The following CMSS1 variants were observed in gnomAD, a reference collection of about 807,000 sequenced individuals.
The protein encoded by CMSS1 is protein CMSS1.
A neutral mutation model predicts 43.5 loss-of-function variants in CMSS1; 33 were observed. That is an observed-to-expected ratio of 0.76 (90% CI 0.57 to 1.01). CMSS1 has a LOEUF of 1.01. Among genes scored for constraint, CMSS1 ranks in the 50% least tolerant of loss-of-function variants. The probability of loss-of-function intolerance (pLI) is 0.00; values close to 1 mark genes in which losing one functional copy is unlikely to be tolerated. For synonymous variants in CMSS1, 115 were observed against 117.2 expected (o/e 0.98, Z 0.12); for missense variants, 313 against 326.4 (o/e 0.96, Z 0.32).
intron 1 of CMSS1, among the ~76,000 whole-genome samples, chr3:100,146,100 T>A (rs2066847302): frequency 6.6e-6 from 1 of 152,206 alleles, no homozygotes; most frequent in Non-Finnish European, 1.5e-5. Flanking sequence ...ATGAGTAAAG[T>A]CTTTCATAGA....
In CMSS1 at chr3:99,971,404, C is replaced by T. The variant is rs1292515102; in HGVS notation, c.64+153361C>T. On this transcript the variant is annotated intron_variant, in intron 1 of 9. Coordinates refer to ENST00000421999, the MANE Select transcript of CMSS1 (RefSeq NM_032359.4). ...GAGATCACCACACAAGGAAAGAAGTCCATTTGAAAGGAGAGATGAGGAGTC... is the reference window on the plus strand; with the variant it reads ...GAGATCACCACACAAGGAAAGAAGTTCATTTGAAAGGAGAGATGAGGAGTC... Among the ~76,000 whole-genome samples the T allele has an allele frequency of 2.0e-5, 3 of 151,582 alleles. No individual in the cohort carries two copies. In the East Asian group the frequency reaches 5.8e-4, roughly 29 times the overall value.
At chr3:100,123,018 T>TA (rs2066634308) in intron 1 of CMSS1, among the ~76,000 whole-genome samples, 2 of 152,244 alleles carry the variant, frequency 1.3e-5, no homozygotes, top group Non-Finnish European at 2.9e-5. Flanking sequence ...AGATTATATT[T>TA]AAAAAGCAGA....
intron 3 of CMSS1, among the ~76,000 whole-genome samples, chr3:100,161,884 C>G (rs1559776562): frequency 6.6e-6 from 1 of 152,074 alleles, no homozygotes; most frequent in Non-Finnish European, 1.5e-5. Context: ...TGACAGAAAT[C>G]CAAACTAAGA....
At chr3:99,925,956 T>A in intron 1 of CMSS1, 1 of 863,826 alleles carries the variant, frequency 1.2e-6, no homozygotes, top group Non-Finnish European at 1.4e-6. Flanking sequence ...CGGGATCTTT[T>A]GCTAGTGATA....
chr3:100,012,400 A>G (rs11918816), intron 1 of CMSS1, among the ~76,000 whole-genome samples: 8 of 152,160 alleles, frequency 5.3e-5, no homozygotes, highest in African/African-American at 1.9e-4. Context: ...GAAACAAAAT[A>G]TTATTTGTAT....
chr3:99,822,620 T>A (rs1942459714), intron 1 of CMSS1, among the ~76,000 whole-genome samples: 1 of 152,146 alleles, frequency 6.6e-6, no homozygotes, highest in Non-Finnish European at 1.5e-5. Context: ...TAATCCCAGC[T>A]ACTCAGGAGA....
chr3:99,833,435 G>A (rs571730965), intron 1 of CMSS1, among the ~76,000 whole-genome samples: 1 of 152,322 alleles, frequency 6.6e-6, no homozygotes, highest in African/African-American at 2.4e-5. Context: ...AGTATGGAAA[G>A]GTGAAGTGTT....
At chr3:100,139,003 T>C (rs2066779339) in intron 1 of CMSS1, among the ~76,000 whole-genome samples, 1 of 152,210 alleles carries the variant, frequency 6.6e-6, no homozygotes, top group Admixed American at 6.5e-5. Context: ...CATGGAATAC[T>C]ACGCAACCAC....
intron 1 of CMSS1, among the ~76,000 whole-genome samples, chr3:99,837,915 G>T (rs1322720534): frequency 6.6e-6 from 1 of 152,082 alleles, no homozygotes; most frequent in Non-Finnish European, 1.5e-5. Flanking sequence ...GAAAGTCTTG[G>T]GTCATTATCA....
At chr3:99,924,316 C>T (rs1707219043) in intron 1 of CMSS1, 3 of 1,613,852 alleles carry the variant, frequency 1.9e-6, no homozygotes, top group Admixed American at 3.3e-5. Flanking sequence ...CCTCCAACTC[C>T]AATATGGTTT....
At chr3:99,847,013 A>G (rs918725117) in intron 1 of CMSS1, among the ~76,000 whole-genome samples, 1 of 152,226 alleles carries the variant, frequency 6.6e-6, no homozygotes, top group Non-Finnish European at 1.5e-5. Context: ...AGGGACTCCC[A>G]TGAGGCAGAT....
At chr3:100,006,230 G>GT (rs1379923683) in intron 1 of CMSS1, among the ~76,000 whole-genome samples, 1 of 152,062 alleles carries the variant, frequency 6.6e-6, no homozygotes, top group Non-Finnish European at 1.5e-5. Flanking sequence ...AACCCAAACT[G>GT]TTTTCCCCAG....
At chr3:100,028,929 A>G (rs1410812853) in intron 1 of CMSS1, among the ~76,000 whole-genome samples, 1 of 152,170 alleles carries the variant, frequency 6.6e-6, no homozygotes, top group African/African-American at 2.4e-5. Flanking sequence ...ATAAACATAA[A>G]CATATACATA....
chr3:99,922,880 G>GT (rs1270296850), intron 1 of CMSS1, among the ~76,000 whole-genome samples: 3 of 152,052 alleles, frequency 2.0e-5, no homozygotes, highest in Non-Finnish European at 4.4e-5. Flanking sequence ...TTCTTATTTT[G>GT]TTTTTTAAAG....
chr3:100,139,280 T>G (rs1038532706), intron 1 of CMSS1, among the ~76,000 whole-genome samples: 4 of 151,908 alleles, frequency 2.6e-5, no homozygotes, highest in Non-Finnish European at 5.9e-5. Context: ...GTAACAAACC[T>G]GCACGTTCTG....
At chr3:99,853,601 C>A (rs149507019) in intron 1 of CMSS1, among the ~76,000 whole-genome samples, 24 of 152,298 alleles carry the variant, frequency 1.6e-4, no homozygotes, top group African/African-American at 4.8e-4. Context: ...GCATATTTTT[C>A]AGCCTGGGGC....
At chr3:99,949,582 A>G (rs924985549) in intron 1 of CMSS1, among the ~76,000 whole-genome samples, 6 of 152,224 alleles carry the variant, frequency 3.9e-5, no homozygotes, top group African/African-American at 1.4e-4. Flanking sequence ...AATCTTTCTC[A>G]GGGCACTAAC....
chr3:100,124,231 T>C (rs540592413), intron 1 of CMSS1, among the ~76,000 whole-genome samples: 4 of 152,296 alleles, frequency 2.6e-5, no homozygotes, highest in Admixed American at 2.6e-4. Context: ...TGGCTAAAAG[T>C]GTGCTTTGGA....
chr3:100,053,338 C>T (rs903798860), intron 1 of CMSS1, among the ~76,000 whole-genome samples: 2 of 152,176 alleles, frequency 1.3e-5, no homozygotes, highest in African/African-American at 4.8e-5. Flanking sequence ...CCTTCAAAGG[C>T]CGTAGGGAAG....
Sources: allele counts gnomAD v4.1 joint callset (sites outside exome capture counted in the v4.1 genomes callset), GRCh38; gene constraint gnomAD v4.1.1; transcripts MANE v1.5; gene names NCBI Gene and HGNC (gene_info 2026-07-23, HGNC 2026-07-21).